The following ADGRB3 variants were observed in gnomAD, a reference collection of about 807,000 sequenced individuals.
ADGRB3 encodes the protein adhesion G protein-coupled receptor B3.
In ADGRB3, 37 loss-of-function variants were observed where a neutral mutation model predicts 193.4. The ratio of observed to expected loss-of-function variants is 0.19; its 90% CI spans 0.15 to 0.25. ADGRB3 has a LOEUF of 0.25. Among genes scored for constraint, ADGRB3 ranks in the 10% least tolerant of loss-of-function variants. ADGRB3 has a pLI of 1.00. For missense variants in ADGRB3, 1,637 were observed against 1,852.9 expected (o/e 0.88, Z 2.14); for synonymous variants, 690 against 644.2 (o/e 1.07, Z -1.08).
chr6:68,865,152 T>G (rs526501), intron 3 of ADGRB3, among the ~76,000 whole-genome samples: 132,819 of 152,010 alleles, frequency 0.87, 58,287 homozygotes, highest in Middle Eastern at 0.95. Flanking sequence ...CTGAGTCTTG[T>G]TTCACCCCCA....
At chr6:69,133,453 T>G (rs759290466) in intron 17 of ADGRB3, among the ~76,000 whole-genome samples, 3 of 151,886 alleles carry the variant, frequency 2.0e-5, no homozygotes, top group Non-Finnish European at 4.4e-5. Flanking sequence ...CAATAATAAA[T>G]TCTGACATTG....
intron 3 of ADGRB3, among the ~76,000 whole-genome samples, chr6:68,836,574 G>C (rs1768050007): frequency 6.6e-6 from 1 of 152,250 alleles, no homozygotes; most frequent in South Asian, 2.1e-4. Flanking sequence ...AAATTCTGAT[G>C]AGCTGTCTGC....
At chr6:68,793,954 T>C (rs1207501777) in intron 3 of ADGRB3, among the ~76,000 whole-genome samples, 2 of 152,182 alleles carry the variant, frequency 1.3e-5, no homozygotes, top group African/African-American at 4.8e-5. Flanking sequence ...TAACATATTA[T>C]TTATTACCCT....
At chr6:68,773,086 A>G (rs1766671334) in intron 3 of ADGRB3, among the ~76,000 whole-genome samples, 1 of 151,776 alleles carries the variant, frequency 6.6e-6, no homozygotes, top group African/African-American at 2.4e-5. Context: ...ATTGCACTCC[A>G]GCCTGGAAAC....
At chr6:69,074,610 G>A (rs188542761) in intron 16 of ADGRB3, among the ~76,000 whole-genome samples, 4 of 149,338 alleles carry the variant, frequency 2.7e-5, no homozygotes, top group South Asian at 2.1e-4. Flanking sequence ...GCACGATCTC[G>A]GCTCACTCAC....
At chr6:68,877,498 T>C (rs917149447) in intron 3 of ADGRB3, among the ~76,000 whole-genome samples, 5 of 152,090 alleles carry the variant, frequency 3.3e-5, no homozygotes, top group African/African-American at 1.2e-4. Context: ...TTATAAAAAG[T>C]CCATCATTTG....
At chr6:69,326,196 T>C (rs1768564232) in intron 21 of ADGRB3, among the ~76,000 whole-genome samples, 1 of 152,102 alleles carries the variant, frequency 6.6e-6, no homozygotes, top group Non-Finnish European at 1.5e-5. Context: ...TGAGCCAAGA[T>C]CACACCACGA....
intron 17 of ADGRB3, among the ~76,000 whole-genome samples, chr6:69,144,879 C>CTTTCTTTCTTTCTTTCTTTG: frequency 7.0e-6 from 1 of 142,706 alleles, no homozygotes. Context: ...TTTGAGTGTT[C>CTTTCTTTCTTTCTTTCTTTG]TTTCTTTCTT....
At chr6:69,367,038 C>G in intron 29 of ADGRB3, among the ~76,000 whole-genome samples, 1 of 152,066 alleles carries the variant, frequency 6.6e-6, no homozygotes, top group East Asian at 1.9e-4. Flanking sequence ...AGAGATTTCT[C>G]TAGATAAGGT....
At chr6:69,297,624 A>C (rs1233163781) in intron 20 of ADGRB3, among the ~76,000 whole-genome samples, 1 of 151,962 alleles carries the variant, frequency 6.6e-6, no homozygotes, top group Non-Finnish European at 1.5e-5. Context: ...GATTTCCAAA[A>C]GATGGTTCAT....
intron 3 of ADGRB3, among the ~76,000 whole-genome samples, chr6:68,785,784 G>C (rs1766955433): frequency 6.6e-6 from 1 of 152,134 alleles, no homozygotes; most frequent in Non-Finnish European, 1.5e-5. Context: ...CAGCATAAAA[G>C]TGTTCCTATA....
At chr6:68,992,041 G>A (rs1769253842) in intron 10 of ADGRB3, among the ~76,000 whole-genome samples, 1 of 152,118 alleles carries the variant, frequency 6.6e-6, no homozygotes, top group Non-Finnish European at 1.5e-5. Flanking sequence ...TGCTAAGACT[G>A]TGAATAAGGC....
At chr6:69,093,053 G>A (rs143515583) in intron 17 of ADGRB3, among the ~76,000 whole-genome samples, 23 of 151,912 alleles carry the variant, frequency 1.5e-4, no homozygotes, top group African/African-American at 5.3e-4. Flanking sequence ...GAGGAGGGGT[G>A]GGCAGCCTAG....
At chr6:69,083,512 G>C (rs1376537354) in intron 17 of ADGRB3, among the ~76,000 whole-genome samples, 1 of 152,086 alleles carries the variant, frequency 6.6e-6, no homozygotes, top group African/African-American at 2.4e-5. Context: ...GGAGGGGCTG[G>C]GGGATGAGAA....
chr6:69,183,980 A>G (rs554786753), intron 17 of ADGRB3, among the ~76,000 whole-genome samples: 338 of 152,264 alleles, frequency 2.2e-3, no homozygotes, highest in African/African-American at 7.6e-3. Context: ...GAAATAAAAT[A>G]AAGTTCACAA....
intron 3 of ADGRB3, among the ~76,000 whole-genome samples, chr6:68,747,375 G>C (rs1320739938): frequency 6.6e-6 from 1 of 152,184 alleles, no homozygotes; most frequent in Admixed American, 6.5e-5. Context: ...ATACCAAACA[G>C]TTATATAGCA....
chr6:69,036,797 G>T (rs373283868), intron 13 of ADGRB3, among the ~76,000 whole-genome samples: 3 of 152,156 alleles, frequency 2.0e-5, no homozygotes, highest in African/African-American at 7.2e-5. Context: ...TAATGTGACC[G>T]CAGAGACGTA....
At chr6:68,652,688 G>A (rs2127281758) in intron 3 of ADGRB3, among the ~76,000 whole-genome samples, 1 of 152,168 alleles carries the variant, frequency 6.6e-6, no homozygotes, top group South Asian at 2.1e-4. Flanking sequence ...CTTTATAAAT[G>A]TAATACATTT....
chr6:69,251,258 C>T (rs117321582), intron 20 of ADGRB3, among the ~76,000 whole-genome samples: 5,429 of 152,246 alleles, frequency 0.036, 110 homozygotes, highest in Non-Finnish European at 0.042. Context: ...TATTAACTTA[C>T]GTATGTTCTG....
Sources: gnomAD v4.1 joint callset for allele counts (sites outside exome capture counted in the v4.1 genomes callset) on GRCh38, gnomAD v4.1.1 for gene constraint, MANE v1.5 for transcripts, NCBI Gene and HGNC (gene_info 2026-07-23, HGNC 2026-07-21) for gene names.